Variants in ENTPD1 observed in about 807,000 individuals in gnomAD.
ENTPD1 encodes ectonucleoside triphosphate diphosphohydrolase 1, also known as ATP diphosphohydrolase.
A neutral mutation model predicts 57.0 loss-of-function variants in ENTPD1; 33 were observed. That is an observed-to-expected ratio of 0.58 (90% CI 0.44 to 0.77). The LOEUF is 0.77. Among genes scored for constraint, ENTPD1 ranks in the 30% least tolerant of loss-of-function variants. The pLI, the probability that ENTPD1 is intolerant of heterozygous loss-of-function variation, is 0.00. For missense variants in ENTPD1, 501 were observed against 603.4 expected, an observed-to-expected ratio of 0.83 and a Z score of 1.78; for synonymous variants, 202 against 218.8, an observed-to-expected ratio of 0.92 and a Z score of 0.68.
At chr10:95,729,019 G>T (rs975584781) in intron 1 of ENTPD1, among the ~76,000 whole-genome samples, 4 of 151,744 alleles carry the variant, frequency 2.6e-5, no homozygotes, top group African/African-American at 9.7e-5. Flanking sequence ...CTTTTTCTTA[G>T]TATTTTCAAT....
chr10:95,849,936 G>A (rs1232285506), intron 7 of ENTPD1, among the ~76,000 whole-genome samples: 1 of 152,206 alleles, frequency 6.6e-6, no homozygotes, highest in Admixed American at 6.5e-5. Context: ...TAAATCTAAA[G>A]TCAATGAACA....
rs2098486525 is a variant in ENTPD1 at position 95,877,165 on chromosome 10, T to C, written c.*10782T>C. On this transcript the variant is annotated 3_prime_UTR_variant, in exon 10 of 10. Coordinates refer to ENST00000371205, the MANE Select transcript of ENTPD1 (RefSeq NM_001776.6). The stretch of plus-strand genomic sequence containing the variant: ...GTCTCCTAGAATATTTCATTGGCAT[T>C]GAGAAGGTGGAAAATGCAAATTATA... Among the ~76,000 whole-genome samples the C allele has an allele frequency of 6.6e-6, 1 of 152,224 alleles. No homozygotes were observed. Among genetic ancestry groups the C allele is most frequent in the South Asian group, 2.1e-4 (1 of 4,832 alleles).
At chr10:95,799,388 A>G (rs544033855) in intron 1 of ENTPD1, among the ~76,000 whole-genome samples, 4 of 152,278 alleles carry the variant, frequency 2.6e-5, no homozygotes, top group African/African-American at 9.6e-5. Flanking sequence ...AAGTGAGAAT[A>G]TGTGGCATTT....
intron 1 of ENTPD1, among the ~76,000 whole-genome samples, chr10:95,770,227 TTG>T (rs1491155318): frequency 7.1e-6 from 1 of 141,416 alleles, no homozygotes; most frequent in Non-Finnish European, 1.5e-5. Flanking sequence ...TCCAAGAAGA[TTG>T]AGAGAGAGAG....
intron 1 of ENTPD1, among the ~76,000 whole-genome samples, chr10:95,806,198 T>A (rs561582674): frequency 6.6e-6 from 1 of 152,374 alleles, no homozygotes; most frequent in Non-Finnish European, 1.5e-5. Context: ...TTCTTTTTAC[T>A]CTTTTTTCTT....
intron 1 of ENTPD1, among the ~76,000 whole-genome samples, chr10:95,757,525 G>T (rs570438090): frequency 9.3e-4 from 141 of 152,234 alleles, no homozygotes; most frequent in African/African-American, 3.2e-3. Flanking sequence ...AGTGATACTG[G>T]TAAAATCTTA....
intron 2 of ENTPD1, among the ~76,000 whole-genome samples, chr10:95,827,605 C>T (rs2098382378): frequency 6.6e-6 from 1 of 152,114 alleles, no homozygotes; most frequent in East Asian, 1.9e-4. Context: ...CCTGCCTCAG[C>T]CTCCTGAGTA....
At position 95,733,382 on chromosome 10, in the gene ENTPD1, C is replaced by T. The variant is rs1011974522; in HGVS notation, c.37+21389C>T. On this transcript the variant is annotated intron_variant, in intron 1 of 9. Coordinates refer to the ENTPD1 transcript ENST00000453258. Reference sequence around the variant, plus strand: ...TTGTTTAAACACACATGGTTACAAACAATTTGTGCAGTTAACGCAATCATG... The same window carrying T: ...TTGTTTAAACACACATGGTTACAAATAATTTGTGCAGTTAACGCAATCATG... 3.9e-5 allele frequency among the ~76,000 whole-genome samples: 6 copies of T among 152,118 alleles called. No individual in the cohort carries two copies. In the East Asian group the frequency reaches 1.2e-3, roughly 29 times the overall value.
At chr10:95,735,924 C>T (rs891170646) in intron 1 of ENTPD1, among the ~76,000 whole-genome samples, 2 of 151,760 alleles carry the variant, frequency 1.3e-5, no homozygotes, top group African/African-American at 2.4e-5. Flanking sequence ...TGGAAGATTG[C>T]CTGTTTTAGC....
At chr10:95,739,804 A>G (rs2097998428) in intron 1 of ENTPD1, among the ~76,000 whole-genome samples, 1 of 152,226 alleles carries the variant, frequency 6.6e-6, no homozygotes. Context: ...CATCCAACAG[A>G]GGAACTATCT....
chr10:95,847,805 C>T, intron 7 of ENTPD1, 99 bp downstream of exon 7: 1 of 1,556,434 alleles, frequency 6.4e-7, no homozygotes, highest in Non-Finnish European at 8.8e-7. Flanking sequence ...TTTTCTCTTA[C>T]ATAATGTCTT....
intron 1 of ENTPD1, among the ~76,000 whole-genome samples, chr10:95,724,968 C>T (rs910485855): frequency 6.6e-6 from 1 of 152,168 alleles, no homozygotes; most frequent in Non-Finnish European, 1.5e-5. Flanking sequence ...TTGTCTGGGA[C>T]ACCTCTTACA....
intron 1 of ENTPD1, among the ~76,000 whole-genome samples, chr10:95,821,864 G>C (rs779475657): frequency 6.6e-6 from 1 of 152,132 alleles, no homozygotes; most frequent in African/African-American, 2.4e-5. Flanking sequence ...CAGCTTCTAC[G>C]TTTGGGAATA....
At chr10:95,797,507 A>G (rs771459286) in intron 1 of ENTPD1, among the ~76,000 whole-genome samples, 2 of 152,062 alleles carry the variant, frequency 1.3e-5, no homozygotes, top group Non-Finnish European at 2.9e-5. Flanking sequence ...TAAAGAAAAG[A>G]GGTTTATTTG....
At chr10:95,811,863 C>T (rs2098309751) in intron 1 of ENTPD1, among the ~76,000 whole-genome samples, 1 of 152,192 alleles carries the variant, frequency 6.6e-6, no homozygotes, top group South Asian at 2.1e-4. Context: ...CCATTACAAA[C>T]AATGCTGCAC....
intron 1 of ENTPD1, among the ~76,000 whole-genome samples, chr10:95,723,300 C>T (rs1218884142): frequency 1.3e-5 from 2 of 152,134 alleles, no homozygotes; most frequent in Non-Finnish European, 2.9e-5. Context: ...CTTTGTCTCT[C>T]TTTCTTTCTC....
chr10:95,836,265 T>G (rs1040210625), intron 2 of ENTPD1, among the ~76,000 whole-genome samples: 2 of 152,224 alleles, frequency 1.3e-5, no homozygotes, highest in African/African-American at 4.8e-5. Flanking sequence ...TGCCTCTGGC[T>G]TTATCCTTTT....
At chr10:95,754,328 A>AG (rs1491316029), upstream of ENTPD1, 1 of 150,432 alleles carries the variant, frequency 6.6e-6, no homozygotes, top group African/African-American at 2.4e-5. Context: ...AAAAAAAAAA[A>AG]GAACCTAATA....
chr10:95,796,590 T>C (rs900133768), intron 1 of ENTPD1, among the ~76,000 whole-genome samples: 3 of 152,156 alleles, frequency 2.0e-5, no homozygotes, highest in Non-Finnish European at 4.4e-5. Flanking sequence ...GGCCTTAAAA[T>C]TGTTGCTGGA....
Sources: gnomAD v4.1 joint callset for allele counts (sites outside exome capture counted in the v4.1 genomes callset) on GRCh38, gnomAD v4.1.1 for gene constraint, MANE v1.5 for transcripts, NCBI Gene and HGNC (gene_info 2026-07-23, HGNC 2026-07-21) for gene names.